LRMDA: variants seen among roughly 807,000 people sequenced by gnomAD.
LRMDA encodes the protein leucine rich melanocyte differentiation associated.
Under a neutral mutation model 29.8 loss-of-function variants are expected in LRMDA, and 18 were observed. That is an observed-to-expected ratio of 0.60 (90% confidence interval 0.42 to 0.90). LRMDA has a LOEUF of 0.90. LRMDA is among the 40% of genes least tolerant of loss of function. LRMDA has a pLI of 0.00. For missense variants in LRMDA, 273 were observed against 273.9 expected, an observed-to-expected ratio of 1.00 and a Z score of 0.02; for synonymous variants, 125 against 109.4, an observed-to-expected ratio of 1.14 and a Z score of -0.89.
intron 2 of LRMDA, among the ~76,000 whole-genome samples, chr10:75,511,057 T>G (rs1325702867): frequency 6.6e-6 from 1 of 152,132 alleles, no homozygotes; most frequent in Non-Finnish European, 1.5e-5. Flanking sequence ...TTAAAAATAG[T>G]GTATCACACC....
intron 3 of LRMDA, among the ~76,000 whole-genome samples, chr10:76,039,431 T>C (rs981687586): frequency 9.9e-5 from 15 of 152,238 alleles, no homozygotes; most frequent in Non-Finnish European, 2.1e-4. Context: ...GAAGTTAGCT[T>C]TATTTTAAAT....
chr10:75,640,075 C>T (rs988259626), intron 2 of LRMDA, among the ~76,000 whole-genome samples: 2 of 152,090 alleles, frequency 1.3e-5, no homozygotes, highest in African/African-American at 4.8e-5. Context: ...ATAGGCAGAA[C>T]AGGAAATAAA....
intron 2 of LRMDA, among the ~76,000 whole-genome samples, chr10:75,989,565 G>T (rs1262067367): frequency 6.6e-6 from 1 of 152,210 alleles, no homozygotes; most frequent in Non-Finnish European, 1.5e-5. Context: ...TTTGACACGA[G>T]ATTTTGTGGG....
rs145527210 is a variant in LRMDA, at chr10:76,023,174, C to T, written c.132-12834C>T. 2.6e-3 allele frequency among the ~76,000 whole-genome samples: 391 copies of T among 152,162 alleles called. 3 individuals carry two copies. Among genetic ancestry groups the T allele is most frequent in the African/African-American group, 8.6e-3 (356 of 41,494 alleles). On this transcript the variant is annotated intron_variant, in intron 2 of 6. Coordinates refer to ENST00000611255, the MANE Select transcript of LRMDA (RefSeq NM_001305581.2). ...CATCCATTATGGCTTCTTATCTTGG[C>T]AGGCGATCGGCTTGGAAAGGCAGCT...
At chr10:76,375,014 C>T (rs968380662) in intron 6 of LRMDA, among the ~76,000 whole-genome samples, 1 of 152,082 alleles carries the variant, frequency 6.6e-6, no homozygotes, top group East Asian at 1.9e-4. Context: ...GTGTGGCAGG[C>T]AGTGCAAATG....
intron 6 of LRMDA, among the ~76,000 whole-genome samples, chr10:76,448,752 T>C (rs954566546): frequency 6.6e-6 from 1 of 152,052 alleles, no homozygotes; most frequent in Non-Finnish European, 1.5e-5. Flanking sequence ...TTTTTCTTCT[T>C]TAGCCTTTTG....
At chr10:76,015,607 C>T (rs184882462) in intron 2 of LRMDA, among the ~76,000 whole-genome samples, 202 of 152,230 alleles carry the variant, frequency 1.3e-3, no homozygotes, top group Middle Eastern at 3.4e-3. Context: ...AGAAGCAAGT[C>T]GAGAGGTCCA....
intron 5 of LRMDA, among the ~76,000 whole-genome samples, chr10:76,199,984 C>T (rs908188299): frequency 6.6e-6 from 1 of 152,130 alleles, no homozygotes; most frequent in African/African-American, 2.4e-5. Flanking sequence ...TTTTTTGAGA[C>T]AGAGTGTCAC....
At chr10:76,417,100 G>A (rs183687439) in intron 6 of LRMDA, among the ~76,000 whole-genome samples, 109 of 152,224 alleles carry the variant, frequency 7.2e-4, no homozygotes, top group Non-Finnish European at 1.3e-3. Context: ...GATTAGGTGG[G>A]AAATTACAGA....
chr10:76,250,630 A>G (rs540671825), intron 5 of LRMDA, among the ~76,000 whole-genome samples: 1 of 152,308 alleles, frequency 6.6e-6, no homozygotes, highest in South Asian at 2.1e-4. Context: ...TCTCCATTGG[A>G]CATTCTTTCT....
At chr10:76,379,824 A>G (rs1841568095) in intron 6 of LRMDA, among the ~76,000 whole-genome samples, 2 of 151,968 alleles carry the variant, frequency 1.3e-5, no homozygotes, top group Non-Finnish European at 2.9e-5. Context: ...TTTTTGATCT[A>G]TCTTTTGAAT....
At chr10:76,162,452 G>T (rs1850664116) in intron 5 of LRMDA, among the ~76,000 whole-genome samples, 1 of 152,162 alleles carries the variant, frequency 6.6e-6, no homozygotes, top group Non-Finnish European at 1.5e-5. Context: ...ACGAAGAAAA[G>T]ACATTTAATT....
At chr10:76,130,971 C>G (rs1849981563) in intron 5 of LRMDA, among the ~76,000 whole-genome samples, 1 of 152,112 alleles carries the variant, frequency 6.6e-6, no homozygotes, top group Admixed American at 6.5e-5. Context: ...CCCCACCTAG[C>G]CTATTGTATA....
chr10:76,351,076 C>G (rs1841170818), intron 6 of LRMDA, among the ~76,000 whole-genome samples: 1 of 152,030 alleles, frequency 6.6e-6, no homozygotes, highest in Non-Finnish European at 1.5e-5. Context: ...TAAAAAAATA[C>G]TAGATCAGTT....
intron 6 of LRMDA, among the ~76,000 whole-genome samples, chr10:76,536,700 G>T (rs574717392): frequency 1.4e-4 from 21 of 152,226 alleles, no homozygotes; most frequent in Non-Finnish European, 2.6e-4. Context: ...TATGAGGCAC[G>T]TGTTATTTAA....
chr10:76,036,856 A>G (rs568182939), intron 3 of LRMDA, among the ~76,000 whole-genome samples: 51 of 152,264 alleles, frequency 3.3e-4, no homozygotes, highest in African/African-American at 1.2e-3. Context: ...CTGCATTGTT[A>G]GTGTAGTGGA....
chr10:75,681,263 G>A (rs1013739349), intron 2 of LRMDA, among the ~76,000 whole-genome samples: 1 of 152,218 alleles, frequency 6.6e-6, no homozygotes, highest in Non-Finnish European at 1.5e-5. Flanking sequence ...AGCATGTTTT[G>A]TACCATAATC....
intron 2 of LRMDA, among the ~76,000 whole-genome samples, chr10:75,495,528 T>C (rs1845034728): frequency 2.0e-5 from 3 of 152,216 alleles, no homozygotes; most frequent in Admixed American, 2.0e-4. Flanking sequence ...CAGCTGGGAA[T>C]GGTTCTTGGA....
chr10:76,134,551 G>A (rs756239998), intron 5 of LRMDA, among the ~76,000 whole-genome samples: 38 of 152,166 alleles, frequency 2.5e-4, no homozygotes, highest in Non-Finnish European at 4.6e-4. Flanking sequence ...GGCAATAACT[G>A]CTGAAAATAG....
Sources: allele counts gnomAD v4.1 joint callset (sites outside exome capture counted in the v4.1 genomes callset), GRCh38; gene constraint gnomAD v4.1.1; transcripts MANE v1.5; gene names NCBI Gene and HGNC (gene_info 2026-07-23, HGNC 2026-07-21).